The following CLVS1 variants were observed in gnomAD, a reference collection of about 807,000 sequenced individuals.
CLVS1 encodes the protein clavesin 1.
In CLVS1, 10 loss-of-function variants were observed where a neutral mutation model predicts 33.1. The observed-to-expected ratio is 0.30, with a 90% CI of 0.19 to 0.51. The LOEUF is 0.51. Among genes scored for constraint, CLVS1 ranks in the 20% least tolerant of loss-of-function variants. The probability of loss-of-function intolerance (pLI) is 0.97; values close to 1 mark genes in which losing one functional copy is unlikely to be tolerated. For missense variants in CLVS1, 343 were observed against 433.4 expected (o/e 0.79, Z 1.85); for synonymous variants, 163 against 166.1 (o/e 0.98, Z 0.14).
chr8:60,984,557 A>T, the CLVS1 span, among the ~76,000 whole-genome samples: 1 of 152,136 alleles, frequency 6.6e-6, no homozygotes. Context: ...CGAACTCCTG[A>T]CCTCAGGTGA....
At position 61,373,013 on chromosome 8, in the gene CLVS1, C is replaced by T. The variant is rs187450207; in HGVS notation, c.456-3592C>T. Among the ~76,000 whole-genome samples, 80 of 152,286 alleles carry T rather than the reference C, an allele frequency of 5.3e-4. 1 individual carries two copies. The East Asian group carries it at 9.1e-3, about 17-fold the overall frequency. ...ATACTGTACTCTTTGAAGGAAGCCA[C>T]AATGCTCAGCTCACTTATGGAGTGG... On this transcript the variant is annotated intron_variant, in intron 2 of 5. Coordinates refer to ENST00000325897, the MANE Select transcript of CLVS1 (RefSeq NM_173519.3).
chr8:61,384,986 A>G (rs1280960547), intron 3 of CLVS1, among the ~76,000 whole-genome samples: 2 of 152,140 alleles, frequency 1.3e-5, no homozygotes, highest in African/African-American at 2.4e-5. Flanking sequence ...TGGGGGTGTC[A>G]TCTAGAGAGC....
At chr8:61,330,458 T>C (rs1811551777) in intron 2 of CLVS1, among the ~76,000 whole-genome samples, 1 of 152,220 alleles carries the variant, frequency 6.6e-6, no homozygotes, top group South Asian at 2.1e-4. Context: ...TAGCATGGGC[T>C]GCAGGCTGGA....
At chr8:60,975,815 A>C in the CLVS1 span, among the ~76,000 whole-genome samples, 1 of 152,218 alleles carries the variant, frequency 6.6e-6, no homozygotes, top group Non-Finnish European at 1.5e-5. Flanking sequence ...TGTTCTTAAG[A>C]GGGAGCTAGT....
At chr8:61,392,842 C>A (rs1206909214) in intron 3 of CLVS1, among the ~76,000 whole-genome samples, 19 of 149,566 alleles carry the variant, frequency 1.3e-4, no homozygotes, top group African/African-American at 4.3e-4. Context: ...GACTCTGTCT[C>A]AAAAAAAACA....
At chr8:61,141,749 G>GAC (rs1806311491) in intron 2 of CLVS1, among the ~76,000 whole-genome samples, 1 of 152,172 alleles carries the variant, frequency 6.6e-6, no homozygotes, top group Admixed American at 6.5e-5. Context: ...CATTTCACTT[G>GAC]ATAATTTTTG....
chr8:61,420,859 C>A (rs971324327), intron 3 of CLVS1, among the ~76,000 whole-genome samples: 4 of 146,864 alleles, frequency 2.7e-5, no homozygotes, highest in Non-Finnish European at 4.5e-5. Flanking sequence ...ATCCCAGCTA[C>A]CCTTGGGAGG....
chr8:61,349,991 G>A (rs1290891942), intron 2 of CLVS1, among the ~76,000 whole-genome samples: 1 of 151,934 alleles, frequency 6.6e-6, no homozygotes, highest in Non-Finnish European at 1.5e-5. Context: ...TTTATCTCTT[G>A]GATAGACTAA....
intron 2 of CLVS1, among the ~76,000 whole-genome samples, chr8:61,188,597 G>A (rs1807395338): frequency 6.6e-6 from 1 of 151,994 alleles, no homozygotes; most frequent in Non-Finnish European, 1.5e-5. Flanking sequence ...TGTTAAAAGG[G>A]ATATCAATAT....
At chr8:61,256,499 C>T (rs995740075) in intron 2 of CLVS1, among the ~76,000 whole-genome samples, 33 of 151,922 alleles carry the variant, frequency 2.2e-4, no homozygotes, top group African/African-American at 4.1e-4. Context: ...GATGACAGAG[C>T]GAGACTCCGT....
chr8:61,074,893 T>C, intron 1 of CLVS1, among the ~76,000 whole-genome samples: 1 of 152,148 alleles, frequency 6.6e-6, no homozygotes, highest in East Asian at 1.9e-4. Context: ...ACTCCCAGCT[T>C]GGATGAATAG....
At chr8:61,060,867 C>A (rs1374738723) in intron 1 of CLVS1, among the ~76,000 whole-genome samples, 2 of 152,206 alleles carry the variant, frequency 1.3e-5, no homozygotes, top group African/African-American at 4.8e-5. Context: ...ATAACAAAAT[C>A]TGAGCCCCAT....
intron 5 of CLVS1, among the ~76,000 whole-genome samples, chr8:61,473,958 T>A (rs1845258): frequency 0.58 from 87,863 of 151,920 alleles, 28,491 homozygotes; most frequent in Non-Finnish European, 0.72. Context: ...TAGAACATGT[T>A]TCTCCTGTTC....
intron 2 of CLVS1, among the ~76,000 whole-genome samples, chr8:61,352,247 A>G (rs1356537666): frequency 6.6e-6 from 1 of 152,052 alleles, no homozygotes; most frequent in Non-Finnish European, 1.5e-5. Context: ...AGCAATCACT[A>G]TGAATATCAT....
intron 2 of CLVS1, among the ~76,000 whole-genome samples, chr8:61,317,525 G>A (rs1811054781): frequency 6.6e-6 from 1 of 152,010 alleles, no homozygotes; most frequent in Admixed American, 6.6e-5. Flanking sequence ...AATGTTCAGG[G>A]CTCTTGGTCC....
At chr8:61,254,206 G>A (rs1198008729) in intron 2 of CLVS1, among the ~76,000 whole-genome samples, 1 of 152,186 alleles carries the variant, frequency 6.6e-6, no homozygotes, top group Non-Finnish European at 1.5e-5. Flanking sequence ...GTTTGCCTGG[G>A]TATCAGCAGC....
intron 5 of CLVS1, among the ~76,000 whole-genome samples, chr8:61,474,070 C>T (rs1817827172): frequency 6.6e-6 from 1 of 152,116 alleles, no homozygotes; most frequent in African/African-American, 2.4e-5. Context: ...TCAGAGAGAG[C>T]TTGTAGAAAG....
chr8:61,066,200 T>A (rs1293577973), intron 1 of CLVS1, among the ~76,000 whole-genome samples: 3 of 152,182 alleles, frequency 2.0e-5, no homozygotes, highest in Non-Finnish European at 4.4e-5. Flanking sequence ...TTATATTTTT[T>A]AAAAAGTGTT....
chr8:61,059,354 T>C lies in CLVS1; in HGVS notation c.-243+2124T>C, dbSNP rs191123051. On this transcript the variant is annotated intron_variant, in intron 1 of 2. Coordinates refer to the CLVS1 transcript ENST00000522621. ...CTGTCTTTCTTGGTATAAGTTCAAA[T>C]CTGTCCACTATTTTTGAATGTTTGG... Among the ~76,000 whole-genome samples, 488 of 151,458 alleles carry C rather than the reference T, an allele frequency of 3.2e-3. 6 individuals carry two copies. Among genetic ancestry groups the C allele is most frequent in the African/African-American group, 0.011 (471 of 41,318 alleles).
Sources: gnomAD v4.1 joint callset for allele counts (sites outside exome capture counted in the v4.1 genomes callset) on GRCh38, gnomAD v4.1.1 for gene constraint, MANE v1.5 for transcripts, NCBI Gene and HGNC (gene_info 2026-07-23, HGNC 2026-07-21) for gene names.